CLSTN2: variants seen among roughly 807,000 people sequenced by gnomAD.
CLSTN2 encodes the protein calsyntenin-2.
In CLSTN2, 48 loss-of-function variants were observed where a neutral mutation model predicts 101.2. The observed-to-expected ratio is 0.47, with a 90% CI of 0.38 to 0.60. The LOEUF (loss-of-function observed/expected upper bound fraction) is 0.60, where lower values mean the gene tolerates loss of function less well. Ranked by LOEUF, CLSTN2 falls within the 20% of genes least tolerant of loss-of-function variation. The pLI is 0.00. For missense variants in CLSTN2, 1,160 were observed against 1,238.2 expected (o/e 0.94, Z 0.95); for synonymous variants, 481 against 463.6 (o/e 1.04, Z -0.48).
At chr3:140,362,726 A>G (rs1461616829) in intron 2 of CLSTN2, among the ~76,000 whole-genome samples, 1 of 152,226 alleles carries the variant, frequency 6.6e-6, no homozygotes, top group Non-Finnish European at 1.5e-5. Flanking sequence ...CTCAATCAAT[A>G]TAATTAGTCA....
At chr3:140,411,948 C>A (rs2088369252) in intron 4 of CLSTN2, among the ~76,000 whole-genome samples, 1 of 152,140 alleles carries the variant, frequency 6.6e-6, no homozygotes, top group Non-Finnish European at 1.5e-5. Flanking sequence ...GAAAAACAGA[C>A]CAATGGGCCT....
intron 1 of CLSTN2, among the ~76,000 whole-genome samples, chr3:140,174,674 C>T (rs569265936): frequency 1.3e-5 from 2 of 152,264 alleles, no homozygotes; most frequent in Admixed American, 6.5e-5. Flanking sequence ...GCCGTAAAAG[C>T]GGAAACCCCT....
chr3:140,210,835 T>A (rs2010846304), intron 2 of CLSTN2, among the ~76,000 whole-genome samples: 1 of 152,044 alleles, frequency 6.6e-6, no homozygotes, highest in Admixed American at 6.6e-5. Context: ...GGGATTTGGA[T>A]CAGGAAGACG....
intron 5 of CLSTN2, among the ~76,000 whole-genome samples, chr3:140,435,528 T>A (rs557146380): frequency 6.6e-6 from 1 of 152,324 alleles, no homozygotes; most frequent in African/African-American, 2.4e-5. Flanking sequence ...GCAACAAACA[T>A]AGGTGTGCAG....
chr3:140,307,228 C>T (rs72990200), intron 2 of CLSTN2, among the ~76,000 whole-genome samples: 26 of 152,254 alleles, frequency 1.7e-4, no homozygotes, highest in Non-Finnish European at 3.2e-4. Context: ...ATTGCCCACT[C>T]GGGTGTGTCT....
At chr3:140,565,420 G>A (rs1936006987) in intron 16 of CLSTN2, among the ~76,000 whole-genome samples, 1 of 152,054 alleles carries the variant, frequency 6.6e-6, no homozygotes. Flanking sequence ...ATCCAGAAAT[G>A]AAATTTTGCT....
intron 1 of CLSTN2, among the ~76,000 whole-genome samples, chr3:140,046,275 C>T (rs1305907931): frequency 6.6e-6 from 1 of 152,162 alleles, no homozygotes; most frequent in African/African-American, 2.4e-5. Context: ...TAATGGCCTT[C>T]TTTGTCTCTT....
At chr3:140,336,175 A>G (rs2107932824) in intron 2 of CLSTN2, among the ~76,000 whole-genome samples, 1 of 152,334 alleles carries the variant, frequency 6.6e-6, no homozygotes. Flanking sequence ...ATTGATGATC[A>G]GTACTAGCTA....
intron 8 of CLSTN2, among the ~76,000 whole-genome samples, chr3:140,496,550 A>G (rs985635664): frequency 1.2e-4 from 18 of 152,204 alleles, no homozygotes; most frequent in Admixed American, 4.6e-4. Context: ...GCAGTTTTCA[A>G]GGGGAATGCG....
intron 2 of CLSTN2, among the ~76,000 whole-genome samples, chr3:140,270,652 G>T (rs184901528): frequency 4.6e-5 from 7 of 152,288 alleles, no homozygotes; most frequent in Admixed American, 2.0e-4. Flanking sequence ...ATGCTAGGGT[G>T]GTAGCAGGTT....
rs577536536 is a variant in CLSTN2 at position 140,339,634 on chromosome 3, G to T, written c.233-63995G>T. ...GGTGGTGTGCTACCTCAGAACCATG[G>T]GGGCCTTGAAACAGAGGCTTAGATG... On this transcript the variant is annotated intron_variant, in intron 2 of 16. Coordinates refer to ENST00000458420, the MANE Select transcript of CLSTN2 (RefSeq NM_022131.3). Among the ~76,000 whole-genome samples, 6 of 152,246 alleles carry T rather than the reference G, an allele frequency of 3.9e-5. No homozygotes were observed. The East Asian group carries it at 7.7e-4, about 20-fold the overall frequency.
intron 1 of CLSTN2, among the ~76,000 whole-genome samples, chr3:139,967,676 A>G (rs149879598): frequency 6.6e-6 from 1 of 152,330 alleles, no homozygotes; most frequent in Non-Finnish European, 1.5e-5. Context: ...CTGTATTGTT[A>G]TTAAAAGTGG....
At chr3:139,944,087 C>T (rs530411452) in intron 1 of CLSTN2, among the ~76,000 whole-genome samples, 2 of 152,156 alleles carry the variant, frequency 1.3e-5, no homozygotes, top group Non-Finnish European at 2.9e-5. Flanking sequence ...TACTATGCAC[C>T]AAGCACTATT....
chr3:140,546,575 C>A lies in CLSTN2; in HGVS notation c.1568C>A (p.Thr523Asn). The change falls in exon 10 of 17, where the codon ACC (threonine) becomes AAC (asparagine). Residue 523 changes from threonine to asparagine, a missense_variant. Physicochemically the swap from Thr to Asn is moderately conservative, Grantham distance 65. Coordinates refer to ENST00000458420, the MANE Select transcript of CLSTN2 (RefSeq NM_022131.3). Reference protein sequence around the residue: ...QFFHGSLASLTIRPGKMESQK... With the variant: ...QFFHGSLASLNIRPGKMESQK... ...TTTCATGGAAGCCTGGCCAGTCTCACCATCCGCCCTGGCAAAATGGAAAGC... is the reference window on the plus strand; with the variant it reads ...TTTCATGGAAGCCTGGCCAGTCTCAACATCCGCCCTGGCAAAATGGAAAGC... 1 of 1,614,150 alleles carries A rather than the reference C, an allele frequency of 6.2e-7. No homozygotes were observed. The highest frequency in any genetic ancestry group is 1.1e-5 in the South Asian group (1 of 91,076).
At chr3:140,480,592 T>C (rs1158671233) in intron 8 of CLSTN2, among the ~76,000 whole-genome samples, 2 of 152,200 alleles carry the variant, frequency 1.3e-5, no homozygotes, top group Non-Finnish European at 2.9e-5. Context: ...TTTCTCCACA[T>C]CCTCTCTAGC....
intron 1 of CLSTN2, among the ~76,000 whole-genome samples, chr3:140,047,212 C>T (rs2007898773): frequency 6.6e-6 from 1 of 152,296 alleles, no homozygotes; most frequent in East Asian, 1.9e-4. Flanking sequence ...TCTCTTTCTG[C>T]TTCACTTCCC....
At chr3:140,102,227 G>A (rs1231798798) in intron 1 of CLSTN2, among the ~76,000 whole-genome samples, 3 of 152,174 alleles carry the variant, frequency 2.0e-5, no homozygotes, top group African/African-American at 7.2e-5. Flanking sequence ...GGCAGGGGCT[G>A]TGTTAGGGAC....
chr3:140,105,045 A>C (rs1439543968), intron 1 of CLSTN2, among the ~76,000 whole-genome samples: 1 of 152,216 alleles, frequency 6.6e-6, no homozygotes, highest in Non-Finnish European at 1.5e-5. Flanking sequence ...ATTCCAGGAC[A>C]AGGGCTCTGG....
intron 5 of CLSTN2, among the ~76,000 whole-genome samples, chr3:140,446,959 T>C (rs1365662884): frequency 6.6e-6 from 1 of 152,180 alleles, no homozygotes; most frequent in Non-Finnish European, 1.5e-5. Context: ...AAGCAGAGCC[T>C]GGCACATAGA....
Sources: allele counts gnomAD v4.1 joint callset (sites outside exome capture counted in the v4.1 genomes callset), GRCh38; gene constraint gnomAD v4.1.1; transcripts MANE v1.5; gene names NCBI Gene and HGNC (gene_info 2026-07-23, HGNC 2026-07-21).